Variants in RAPH1 observed in about 807,000 individuals in gnomAD.
RAPH1 encodes ras-associated and pleckstrin homology domains-containing protein 1.
RAPH1 carries 18 observed loss-of-function variants against 88.1 expected under a neutral mutation model. The ratio of observed to expected loss-of-function variants is 0.20; its 90% confidence interval spans 0.14 to 0.30. RAPH1 has a LOEUF of 0.30. Among genes scored for constraint, RAPH1 ranks in the 10% least tolerant of loss-of-function variants. The probability of loss-of-function intolerance (pLI) is 1.00; values close to 1 mark genes in which losing one functional copy is unlikely to be tolerated. For synonymous variants in RAPH1, 587 were observed against 559.0 expected (o/e 1.05, Z -0.71); for missense variants, 1,448 against 1,543.2 (o/e 0.94, Z 1.03).
intron 4 of RAPH1, among the ~76,000 whole-genome samples, chr2:203,474,637 C>T (rs2098535790): frequency 1.3e-5 from 2 of 152,020 alleles, no homozygotes; most frequent in Admixed American, 6.6e-5. Flanking sequence ...GTAAGAGTTG[C>T]CAGTACCACA....
At chr2:203,465,739 C>T (rs2098527960) in intron 4 of RAPH1, among the ~76,000 whole-genome samples, 1 of 152,070 alleles carries the variant, frequency 6.6e-6, no homozygotes, top group African/African-American at 2.4e-5. Context: ...TAGCTGGGTG[C>T]AGTGGTGGGC....
In RAPH1 at chr2:203,454,553, C is replaced by T; in HGVS notation, c.1303-13G>A. ...GATCCCGAGAGACCTAAGATAAAAA[C>T]ACCAAAAAGATAAAATTAATAATAA... On this transcript the variant is annotated splice_polypyrimidine_tract_variant and intron_variant, in intron 9 of 13. Transcript: ENST00000319170. The T allele has an allele frequency of 1.9e-6, 3 of 1,575,332 alleles. No homozygotes were observed. Among genetic ancestry groups the T allele is most frequent in the Middle Eastern group, 1.7e-4 (1 of 5,988 alleles).
At chr2:203,443,806 C>T (rs2098506511) in intron 13 of RAPH1, 1 of 152,052 alleles carries the variant, frequency 6.6e-6, no homozygotes, top group Admixed American at 6.6e-5. Flanking sequence ...ATAGCCAGAC[C>T]TTGTCTCTAC....
At chr2:203,535,008 C>G (rs1345824992) in intron 1 of RAPH1, 103 bp downstream of exon 1, 1 of 152,254 alleles carries the variant, frequency 6.6e-6, no homozygotes, top group East Asian at 1.9e-4. Flanking sequence ...ATGGCGGGGC[C>G]GGGCGCCGGG....
rs1326239619 is a variant in RAPH1, at chr2:203,434,577, A to C, written c.*4860T>G. The C allele has an allele frequency of 6.6e-6, 1 of 152,528 alleles. No homozygotes were observed. Among genetic ancestry groups the C allele is most frequent in the Admixed American group, 6.6e-5 (1 of 15,260 alleles). The allele number at this position is 152,528 out of a possible 1,614,324, so 9.4% of individuals were successfully genotyped here. A position where few individuals can be genotyped will look rare whatever the true frequency, so the allele number is the denominator to read the frequency against. On this transcript the variant is annotated 3_prime_UTR_variant, in exon 14 of 14. Coordinates refer to ENST00000319170, the MANE Select transcript of RAPH1 (RefSeq NM_213589.3). ...TATTTTACAAGTAGCAAAAAAAAAAAAAAAAGTAGGAGGTGGGGAAATAAT... is the reference window on the plus strand; with the variant it reads ...TATTTTACAAGTAGCAAAAAAAAAACAAAAAGTAGGAGGTGGGGAAATAAT...
At chr2:203,522,048 C>T (rs1375524592) in intron 1 of RAPH1, among the ~76,000 whole-genome samples, 1 of 152,184 alleles carries the variant, frequency 6.6e-6, no homozygotes, top group East Asian at 1.9e-4. Context: ...TTCTACTTTA[C>T]ATCTGATTCT....
chr2:203,492,702 A>T (rs1688322435), intron 2 of RAPH1, among the ~76,000 whole-genome samples: 5 of 152,196 alleles, frequency 3.3e-5, no homozygotes. Flanking sequence ...TTTAATTTAT[A>T]TCTACAGTAA....
At chr2:203,469,998 G>T (rs1234212566) in intron 4 of RAPH1, among the ~76,000 whole-genome samples, 1 of 152,142 alleles carries the variant, frequency 6.6e-6, no homozygotes, top group African/African-American at 2.4e-5. Context: ...TACTTGGGAA[G>T]ACTATTAGGC....
chr2:203,497,123 T>C (rs115920872), intron 1 of RAPH1, among the ~76,000 whole-genome samples: 1 of 152,338 alleles, frequency 6.6e-6, no homozygotes, highest in African/African-American at 2.4e-5. Flanking sequence ...AAGGATTTTA[T>C]AAAAGAGATT....
intron 4 of RAPH1, among the ~76,000 whole-genome samples, chr2:203,463,069 G>A (rs993452311): frequency 1.3e-5 from 2 of 151,930 alleles, no homozygotes; most frequent in African/African-American, 4.8e-5. Context: ...GCTCTTGGTG[G>A]TGTGTGCCTG....
intron 1 of RAPH1, among the ~76,000 whole-genome samples, chr2:203,503,817 A>C (rs531840735): frequency 6.6e-6 from 1 of 152,318 alleles, no homozygotes; most frequent in South Asian, 2.1e-4. Context: ...GTATTGGGTA[A>C]ATACAGCCGT....
chr2:203,481,658 C>G (rs1467353476), intron 4 of RAPH1, among the ~76,000 whole-genome samples: 1 of 148,812 alleles, frequency 6.7e-6, no homozygotes, highest in Non-Finnish European at 1.5e-5. Context: ...GTGGCATGAT[C>G]TTGGCTCACT....
At position 203,477,491 on chromosome 2, in the gene RAPH1, G is replaced by A. The variant is rs116101831; in HGVS notation, c.732+12093C>T. ...TGGTCCTTAACCACTGTTTGGCAGT[G>A]CTCTTATTAATTTTTCCCCTTATGT... is the stretch of plus-strand genomic sequence containing the variant. On this transcript the variant is annotated intron_variant, in intron 4 of 13. Coordinates refer to ENST00000319170, the MANE Select transcript of RAPH1 (RefSeq NM_213589.3). Among the ~76,000 whole-genome samples the A allele has an allele frequency of 6.2e-3, 943 of 152,184 alleles. 2 individuals carry two copies. The highest frequency in any genetic ancestry group is 9.8e-3 in the Non-Finnish European group (664 of 68,000).
Position 203,440,869 on chromosome 2 carries a change from G to A in RAPH1, c.2321C>T (p.Pro774Leu). 2 of 1,499,302 alleles carry A rather than the reference G, an allele frequency of 1.3e-6. No individual in the cohort carries two copies. Among genetic ancestry groups the A allele is most frequent in the Non-Finnish European group, 9.1e-7 (1 of 1,101,382 alleles). 92.9% of individuals were successfully genotyped at this position (1,499,302 alleles called of 1,614,324 possible). A position where few individuals can be genotyped will look rare whatever the true frequency, so the allele number is the denominator to read the frequency against. ...AAGGGGTTTTGGGGGAGCTTGGGGA[G>A]GGAGGGGTGCAGGGATAGGAGGAGG... Reference protein sequence around the residue: ...PPPPPIPAPLPPQAPPKPLVT... With the variant: ...PPPPPIPAPLLPQAPPKPLVT... The change falls in exon 14 of 14, where the codon CCT becomes CTT. Residue 774 changes from proline (P) to leucine (L), a missense_variant. This residue lies in a region of RAPH1 where 935 missense variants were observed against 890.1 expected (regional missense o/e 1.05). Coordinates refer to ENST00000319170, the MANE Select transcript of RAPH1 (RefSeq NM_213589.3).
At chr2:203,506,172 G>T (rs1688985252) in intron 1 of RAPH1, among the ~76,000 whole-genome samples, 1 of 152,170 alleles carries the variant, frequency 6.6e-6, no homozygotes, top group South Asian at 2.1e-4. Flanking sequence ...GTAGCCTATA[G>T]CTTGGAAGTC....
chr2:203,452,628 C>T (rs1223306320), intron 10 of RAPH1, among the ~76,000 whole-genome samples: 2 of 152,098 alleles, frequency 1.3e-5, no homozygotes, highest in Non-Finnish European at 2.9e-5. Flanking sequence ...GCAATACTTA[C>T]ATTATAAATT....
chr2:203,492,233 C>CAA (rs547450219), intron 2 of RAPH1, among the ~76,000 whole-genome samples: 5,339 of 133,426 alleles, frequency 0.04, 346 homozygotes, highest in African/African-American at 0.13. Flanking sequence ...GACTCAATCT[C>CAA]AAAAAAAAAA....
chr2:203,457,631 G>A (rs1347848330), intron 7 of RAPH1, 36 bp from the exon 8 acceptor site: 1 of 1,446,170 alleles, frequency 6.9e-7, no homozygotes, highest in African/African-American at 1.4e-5. Flanking sequence ...ATGGGTGGGA[G>A]AGAAAAAAAG....
At chr2:203,471,725 G>T (rs2098533262) in intron 4 of RAPH1, among the ~76,000 whole-genome samples, 1 of 151,728 alleles carries the variant, frequency 6.6e-6, no homozygotes, top group Non-Finnish European at 1.5e-5. Context: ...TGTTAAGTTT[G>T]CTATATGGTA....
Sources: allele counts gnomAD v4.1 joint callset (sites outside exome capture counted in the v4.1 genomes callset), GRCh38; gene constraint gnomAD v4.1.1; regional missense constraint gnomAD v4.1.1; transcripts MANE v1.5; gene names NCBI Gene and HGNC (gene_info 2026-07-23, HGNC 2026-07-21).